The following PKHD1 variants were observed in gnomAD, a reference collection of about 807,000 sequenced individuals.
The protein encoded by PKHD1 is fibrocystin.
PKHD1 carries 291 observed loss-of-function variants against 412.0 expected under a neutral mutation model. The ratio of observed to expected loss-of-function variants is 0.71; its 90% CI spans 0.64 to 0.78. The LOEUF is 0.78. Among genes scored for constraint, PKHD1 ranks in the 30% least tolerant of loss-of-function variants. The pLI is 0.00. For synonymous variants in PKHD1, 1,777 were observed against 1,821.5 expected (o/e 0.98, Z 0.62); for missense variants, 4,825 against 4,950.7 (o/e 0.97, Z 0.76).
chr6:51,715,794 T>C (rs562280826), intron 60 of PKHD1, among the ~76,000 whole-genome samples: 2 of 152,282 alleles, frequency 1.3e-5, no homozygotes, highest in Admixed American at 1.3e-4. Flanking sequence ...AGAGGAGCTG[T>C]TTGTTCATGT....
At chr6:52,074,322 T>G (rs1350233866) in intron 6 of PKHD1, among the ~76,000 whole-genome samples, 1 of 152,216 alleles carries the variant, frequency 6.6e-6, no homozygotes, top group East Asian at 1.9e-4. Context: ...ATTGGATGAC[T>G]CTCACTAAAA....
At chr6:52,033,274 G>A in intron 28 of PKHD1, 109 bp from the exon 29 acceptor site, 1 of 905,572 alleles carries the variant, frequency 1.1e-6, no homozygotes, top group East Asian at 2.6e-5. Flanking sequence ...TTTTAAGAAA[G>A]TTGTTCCTAA....
chr6:51,649,269 C>T (rs778284994), intron 61 of PKHD1, 49 bp from the exon 62 acceptor site: 1 of 1,423,802 alleles, frequency 7.0e-7, no homozygotes. Flanking sequence ...TTACACATAT[C>T]CCTATGGTAG....
intron 55 of PKHD1, among the ~76,000 whole-genome samples, chr6:51,761,442 G>C (rs553861807): frequency 4.5e-4 from 69 of 152,088 alleles, no homozygotes; most frequent in African/African-American, 1.5e-3. Flanking sequence ...TGGTGGTGGG[G>C]GGAAGCAAAG....
intron 52 of PKHD1, among the ~76,000 whole-genome samples, chr6:51,800,519 T>C (rs1762744312): frequency 6.6e-6 from 1 of 152,200 alleles, no homozygotes. Context: ...AAGAACAATT[T>C]GACTACCACA....
chr6:51,893,660 A>G (rs1779441292), intron 43 of PKHD1, among the ~76,000 whole-genome samples: 1 of 152,238 alleles, frequency 6.6e-6, no homozygotes. Context: ...GCGGAAGTCA[A>G]TGTATTATGG....
intron 60 of PKHD1, among the ~76,000 whole-genome samples, chr6:51,688,665 C>A (rs1307103844): frequency 6.6e-6 from 1 of 151,828 alleles, no homozygotes. Context: ...CACCACGGAC[C>A]CCACAGATAT....
chr6:52,047,251 G>A (rs920546059), intron 23 of PKHD1, among the ~76,000 whole-genome samples: 3 of 152,064 alleles, frequency 2.0e-5, no homozygotes, highest in Admixed American at 1.3e-4. Flanking sequence ...TAGAGGCAGG[G>A]CACGATTGAT....
intron 37 of PKHD1, among the ~76,000 whole-genome samples, chr6:51,922,747 C>A (rs1317994393): frequency 6.6e-6 from 1 of 152,250 alleles, no homozygotes; most frequent in African/African-American, 2.4e-5. Context: ...CCCTCCGAGC[C>A]AGGCACGGGA....
chr6:52,036,536 C>G (rs111887218), intron 27 of PKHD1, among the ~76,000 whole-genome samples: 80 of 152,294 alleles, frequency 5.3e-4, no homozygotes, highest in Non-Finnish European at 7.9e-4. Context: ...CCTTACCCCC[C>G]CTTGAGGGTG....
At chr6:51,746,989 T>A in intron 58 of PKHD1, 100 bp from the exon 59 acceptor site, 1 of 745,618 alleles carries the variant, frequency 1.3e-6, no homozygotes, top group Non-Finnish European at 2.2e-6. Context: ...ATGTATACCC[T>A]AAGTTAGTTA....
Position 51,615,635 on chromosome 6 carries a change from T to C in PKHD1, c.*3446A>G, listed in dbSNP as rs145146940. On this transcript the variant is annotated 3_prime_UTR_variant, in exon 67 of 67. Transcript: ENST00000371117. ...TATAGAAGCTTGGTTGAATAATATT[T>C]GCATATGATTTACATTTGATTTCCT... 1 of 152,354 alleles carries C rather than the reference T, an allele frequency of 6.6e-6. No individual in the cohort carries two copies. Among genetic ancestry groups the C allele is most frequent in the African/African-American group, 2.4e-5 (1 of 41,588 alleles). The allele number at this position is 152,354 out of a possible 1,614,324, so 9.4% of individuals were successfully genotyped here. A position where few individuals can be genotyped will look rare whatever the true frequency, so the allele number is the denominator to read the frequency against.
rs141674341 is a variant in PKHD1, at chr6:51,825,805, A to G, written c.8302+5056T>C. On this transcript the variant is annotated intron_variant, in intron 52 of 66. Coordinates refer to ENST00000371117, the MANE Select transcript of PKHD1 (RefSeq NM_138694.4). Reference sequence around the variant, plus strand: ...CCATTCTGATGCCACACATTACAAAAAGGACCCCAGTAGCTGAAGCCCAAA... The same window carrying G: ...CCATTCTGATGCCACACATTACAAAGAGGACCCCAGTAGCTGAAGCCCAAA... Among the ~76,000 whole-genome samples the G allele has an allele frequency of 1.2e-3, 189 of 152,248 alleles. 1 individual carries two copies. Among genetic ancestry groups the G allele is most frequent in the African/African-American group, 4.4e-3 (181 of 41,578 alleles).
chr6:52,028,040 G>A (rs1802483768), intron 30 of PKHD1, 116 bp downstream of exon 30: 1 of 1,223,830 alleles, frequency 8.2e-7, no homozygotes, highest in African/African-American at 1.5e-5. Context: ...TGATGTTCAT[G>A]TCTTTAACCT....
At position 51,829,471 on chromosome 6, in the gene PKHD1, A is replaced by G. The variant is rs561147076; in HGVS notation, c.8302+1390T>C. ...TGCTTAGTGGGAAAAACCATAGCCC[A>G]GGGTGAATCCGCTGGCTAGATTCAT... On this transcript the variant is annotated intron_variant, in intron 52 of 66. Coordinates refer to ENST00000371117, the MANE Select transcript of PKHD1 (RefSeq NM_138694.4). Among the ~76,000 whole-genome samples, 5 of 152,284 alleles carry G rather than the reference A, an allele frequency of 3.3e-5. No individual in the cohort carries two copies. The East Asian group carries it at 9.6e-4, about 29-fold the overall frequency.
At chr6:52,032,459 T>C (rs1017736326) in intron 29 of PKHD1, among the ~76,000 whole-genome samples, 1 of 152,202 alleles carries the variant, frequency 6.6e-6, no homozygotes, top group South Asian at 2.1e-4. Context: ...ATACGTAGAA[T>C]GTCTCAAGAA....
At chr6:51,853,246 C>A (rs1403264841) in intron 49 of PKHD1, among the ~76,000 whole-genome samples, 2 of 152,222 alleles carry the variant, frequency 1.3e-5, no homozygotes, top group African/African-American at 2.4e-5. Flanking sequence ...CCAATCTCCA[C>A]TGGCTTATAG....
At chr6:52,024,222 C>G (rs932510990) in intron 32 of PKHD1, among the ~76,000 whole-genome samples, 3 of 152,112 alleles carry the variant, frequency 2.0e-5, no homozygotes, top group African/African-American at 7.2e-5. Flanking sequence ...CGCAAATTGG[C>G]AGATAGGGTC....
At chr6:51,750,776 G>T (rs1244703472) in intron 57 of PKHD1, among the ~76,000 whole-genome samples, 2 of 151,430 alleles carry the variant, frequency 1.3e-5, no homozygotes, top group African/African-American at 4.9e-5. Flanking sequence ...ATTAAATAAA[G>T]AATTAAGCAA....
Sources: allele counts gnomAD v4.1 joint callset (sites outside exome capture counted in the v4.1 genomes callset), GRCh38; gene constraint gnomAD v4.1.1; transcripts MANE v1.5; gene names NCBI Gene and HGNC (gene_info 2026-07-23, HGNC 2026-07-21).